The following ACTR3 variants were observed in gnomAD, a reference collection of about 807,000 sequenced individuals.
ACTR3 encodes the protein actin related protein 3.
A neutral mutation model predicts 56.8 loss-of-function variants in ACTR3; 12 were observed. The observed-to-expected ratio is 0.21, with a 90% CI of 0.14 to 0.34. The LOEUF is 0.34. ACTR3 is among the 10% of genes least tolerant of loss of function. The pLI, the probability that ACTR3 is intolerant of heterozygous loss-of-function variation, is 1.00. For synonymous variants in ACTR3, 162 were observed against 167.4 expected (o/e 0.97, Z 0.25); for missense variants, 282 against 512.5 (o/e 0.55, Z 4.34).
At chr2:113,915,013 A>T (rs12618768) in intron 2 of ACTR3, among the ~76,000 whole-genome samples, 110,983 of 152,132 alleles carry the variant, frequency 0.73, 40,979 homozygotes, top group South Asian at 0.84. Flanking sequence ...TTTGTCTGTT[A>T]TTAAGAATTC....
chr2:113,891,324 G>T (rs1024206381), intron 1 of ACTR3, among the ~76,000 whole-genome samples: 1 of 152,170 alleles, frequency 6.6e-6, no homozygotes, highest in Non-Finnish European at 1.5e-5. Flanking sequence ...ATATAGGAGG[G>T]TGTTTAAGTT....
intron 3 of ACTR3, among the ~76,000 whole-genome samples, chr2:113,921,317 T>A (rs1679503129): frequency 1.3e-5 from 2 of 151,358 alleles, no homozygotes; most frequent in Non-Finnish European, 2.9e-5. Context: ...AAAAAATCAG[T>A]GTTTTTTTTT....
intron 1 of ACTR3, among the ~76,000 whole-genome samples, chr2:113,895,703 T>G (rs939107778): frequency 5.3e-5 from 8 of 152,186 alleles, no homozygotes; most frequent in African/African-American, 1.7e-4. Context: ...GCAGTTATAT[T>G]TCGTGTTATT....
At chr2:113,900,407 CT>C (rs1241561134) in intron 1 of ACTR3, among the ~76,000 whole-genome samples, 1 of 152,084 alleles carries the variant, frequency 6.6e-6, no homozygotes, top group Admixed American at 6.5e-5. Flanking sequence ...TGACTGATTT[CT>C]TTCATGGGGC....
chr2:113,893,691 G>GT (rs951736211), intron 1 of ACTR3, among the ~76,000 whole-genome samples: 7 of 152,112 alleles, frequency 4.6e-5, no homozygotes, highest in African/African-American at 1.7e-4. Flanking sequence ...TCGTAGCTTG[G>GT]TTACAGAGCT....
intron 1 of ACTR3, among the ~76,000 whole-genome samples, chr2:113,910,077 G>A (rs1021902293): frequency 6.6e-6 from 1 of 152,104 alleles, no homozygotes; most frequent in African/African-American, 2.4e-5. Flanking sequence ...TTGGCTGGCA[G>A]CCCCTAGGTA....
At chr2:113,907,863 T>C (rs1424472639) in intron 1 of ACTR3, among the ~76,000 whole-genome samples, 1 of 150,852 alleles carries the variant, frequency 6.6e-6, no homozygotes, top group Non-Finnish European at 1.5e-5. Context: ...TCCCAGCTAC[T>C]TGGGAGGCTA....
intron 3 of ACTR3, among the ~76,000 whole-genome samples, chr2:113,923,924 C>T (rs760935871): frequency 2.6e-5 from 4 of 152,040 alleles, no homozygotes; most frequent in African/African-American, 4.8e-5. Context: ...TAAAACAAAA[C>T]GTATTATATA....
At chr2:113,945,666 TCAGGGG>T (rs1156639293) in intron 8 of ACTR3, among the ~76,000 whole-genome samples, 1 of 152,174 alleles carries the variant, frequency 6.6e-6, no homozygotes. Flanking sequence ...AACTTTAAGT[TCAGGGG>T]TACATGTACA....
At chr2:113,913,713 G>A (rs1679351568) in intron 2 of ACTR3, among the ~76,000 whole-genome samples, 1 of 152,156 alleles carries the variant, frequency 6.6e-6, no homozygotes, top group Admixed American at 6.5e-5. Context: ...GACCTCAGCT[G>A]TTTTCTAATA....
chr2:113,920,059 G>T, intron 3 of ACTR3, among the ~76,000 whole-genome samples: 1 of 152,184 alleles, frequency 6.6e-6, no homozygotes, highest in East Asian at 1.9e-4. Context: ...GAGTAGCTGG[G>T]ATTACAGGCA....
At chr2:113,911,375 T>C (rs1679303345) in intron 1 of ACTR3, among the ~76,000 whole-genome samples, 2 of 151,780 alleles carry the variant, frequency 1.3e-5, no homozygotes, top group Non-Finnish European at 2.9e-5. Flanking sequence ...TTCAACAGTT[T>C]ATGGTTTCCC....
rs1213069717 is a variant in ACTR3, at chr2:113,958,860, T to C, written c.*1405T>C. The C allele has an allele frequency of 6.6e-6, 1 of 151,990 alleles. No individual in the cohort carries two copies. The highest frequency in any genetic ancestry group is 1.5e-5 in the Non-Finnish European group (1 of 67,886). 9.4% of individuals were successfully genotyped at this position (151,990 alleles called of 1,614,324 possible). A position where few individuals can be genotyped will look rare whatever the true frequency, so the allele number is the denominator to read the frequency against. On this transcript the variant is annotated 3_prime_UTR_variant, in exon 12 of 12. Coordinates refer to ENST00000263238, the MANE Select transcript of ACTR3 (RefSeq NM_005721.5). ...GGATTGGAATACGTCTATTCAAAAG[T>C]GAAAGAATATAAAGTGTTTAGTTTT...
chr2:113,899,747 A>T (rs1168270620), intron 1 of ACTR3, among the ~76,000 whole-genome samples: 1 of 152,186 alleles, frequency 6.6e-6, no homozygotes, highest in African/African-American at 2.4e-5. Context: ...TGCATTCTCT[A>T]TTCAAGTGAT....
chr2:113,953,981 C>T (rs1301613207), intron 10 of ACTR3: 3 of 152,096 alleles, frequency 2.0e-5, no homozygotes. Context: ...TGTTTTTTGT[C>T]TTTCATGAAT....
intron 3 of ACTR3, among the ~76,000 whole-genome samples, chr2:113,917,843 A>G (rs1238402992): frequency 6.6e-6 from 1 of 152,228 alleles, no homozygotes; most frequent in Non-Finnish European, 1.5e-5. Flanking sequence ...GTTGGGGGTT[A>G]GAAGAAGGGA....
chr2:113,938,948 C>T (rs1380986525), intron 6 of ACTR3, among the ~76,000 whole-genome samples: 7 of 151,330 alleles, frequency 4.6e-5, no homozygotes, highest in African/African-American at 1.5e-4. Context: ...GTAACATTCA[C>T]GTTATTTGTT....
Position 113,958,694 on chromosome 2 carries a change from T to A in ACTR3, c.*1239T>A, listed in dbSNP as rs1680268090. 6.6e-6 allele frequency: 1 copy of A among 151,960 alleles called. No homozygotes were observed. 9.4% of individuals were successfully genotyped at this position (151,960 alleles called of 1,614,324 possible). A position where few individuals can be genotyped will look rare whatever the true frequency, so the allele number is the denominator to read the frequency against. ...TTGGGAGTTATTGAAATCTCTGTAA[T>A]GTGTATGGTAGAAAATTTCTTGTGA... is the stretch of plus-strand genomic sequence containing the variant. On this transcript the variant is annotated 3_prime_UTR_variant, in exon 12 of 12. Coordinates refer to ENST00000263238, the MANE Select transcript of ACTR3 (RefSeq NM_005721.5).
chr2:113,906,412 T>A (rs1325891889), intron 1 of ACTR3, among the ~76,000 whole-genome samples: 1 of 152,208 alleles, frequency 6.6e-6, no homozygotes, highest in Non-Finnish European at 1.5e-5. Context: ...TTTTCTCCCA[T>A]TCTGTGGATT....
Sources: gnomAD v4.1 joint callset for allele counts (sites outside exome capture counted in the v4.1 genomes callset) on GRCh38, gnomAD v4.1.1 for gene constraint, MANE v1.5 for transcripts, NCBI Gene and HGNC (gene_info 2026-07-23, HGNC 2026-07-21) for gene names.